ESRP1: variants seen among roughly 807,000 people sequenced by gnomAD.
ESRP1 encodes the protein RNA-binding motif protein 35A.
In ESRP1, 33 loss-of-function variants were observed where a neutral mutation model predicts 81.7. That is an observed-to-expected ratio of 0.40 (90% CI 0.31 to 0.54). ESRP1 has a LOEUF of 0.54. ESRP1 is among the 20% of genes least tolerant of loss of function. ESRP1 has a pLI of 0.41. For missense variants in ESRP1, 672 were observed against 833.1 expected, an observed-to-expected ratio of 0.81 and a Z score of 2.38; for synonymous variants, 320 against 303.3, an observed-to-expected ratio of 1.06 and a Z score of -0.57.
Position 94,654,494 on chromosome 8 carries a change from C to T in ESRP1, c.491-7778C>T, listed in dbSNP as rs145009443. Among the ~76,000 whole-genome samples the T allele has an allele frequency of 2.5e-3, 387 of 152,064 alleles. 1 individual carries two copies. The highest frequency in any genetic ancestry group is 8.7e-3 in the African/African-American group (360 of 41,464). On this transcript the variant is annotated intron_variant, in intron 4 of 15. Coordinates refer to ENST00000433389, the MANE Select transcript of ESRP1 (RefSeq NM_017697.4). ...TTTCATCTCCTTTGTTGAATGAGAC[C>T]CTATCTCCATCTTCTTTCTTCTAGG...
rs1809454372 is a variant in ESRP1 at position 94,692,752 on chromosome 8, C to T, written c.1896C>T (p.Gly632=). ...ANLSGVPPQP[G]TVVRMQGLAY... Reference sequence around the variant, plus strand: ...TTAGCGGTGTCCCTCCACAGCCTGGCACGGTGGTCAGAATGCAGGGCCTGG... The same window carrying T: ...TTAGCGGTGTCCCTCCACAGCCTGGTACGGTGGTCAGAATGCAGGGCCTGG... The change falls in exon 14 of 16, where the codon GGC becomes GGT. Residue 632 remains glycine (G), a synonymous_variant. Transcript: ENST00000433389. 1 of 1,613,868 alleles carries T rather than the reference C, an allele frequency of 6.2e-7. No individual in the cohort carries two copies. Among genetic ancestry groups the T allele is most frequent in the African/African-American group, 1.3e-5 (1 of 74,914 alleles).
At chr8:94,646,112 G>C in intron 3 of ESRP1, 56 bp from the exon 4 acceptor site, 1 of 954,444 alleles carries the variant, frequency 1.0e-6, no homozygotes, top group Non-Finnish European at 1.6e-6. Context: ...CTAATTGTGA[G>C]AGAAACATTG....
At chr8:94,692,917 A>C (rs536214457) in intron 14 of ESRP1, 90 bp downstream of exon 14, 1 of 1,389,628 alleles carries the variant, frequency 7.2e-7, no homozygotes, top group Admixed American at 2.1e-5. Flanking sequence ...AACAGATTCT[A>C]TGAAACTCGT....
intron 3 of ESRP1, among the ~76,000 whole-genome samples, chr8:94,644,953 G>A (rs56039432): frequency 0.021 from 3,194 of 152,226 alleles, 91 homozygotes; most frequent in African/African-American, 0.071. Context: ...TTCATACGGC[G>A]TAAGCCTTTT....
intron 4 of ESRP1, among the ~76,000 whole-genome samples, chr8:94,660,342 C>A (rs1459650062): frequency 6.6e-6 from 1 of 152,204 alleles, no homozygotes; most frequent in Non-Finnish European, 1.5e-5. Context: ...TGACTCATGG[C>A]TGTAATCCCA....
At chr8:94,655,500 T>C (rs781724109) in intron 4 of ESRP1, among the ~76,000 whole-genome samples, 4 of 152,136 alleles carry the variant, frequency 2.6e-5, no homozygotes, top group Non-Finnish European at 5.9e-5. Flanking sequence ...GTTTTGGTTG[T>C]CTTGACTTCT....
Position 94,641,204 on chromosome 8 carries a change from G to A in ESRP1, c.-115G>A. On this transcript the variant is annotated 5_prime_UTR_variant, in exon 1 of 16. In the 5' UTR this introduces an upstream ATG that the reference lacks. Coordinates refer to ENST00000433389, the MANE Select transcript of ESRP1 (RefSeq NM_017697.4). ...GCACTAGCAGTAGCAAGGAAGGGGGGTGGGCGCTCTTTCTTTTTCTCTTAG... is the reference window on the plus strand; with the variant it reads ...GCACTAGCAGTAGCAAGGAAGGGGGATGGGCGCTCTTTCTTTTTCTCTTAG... 3 of 1,031,344 alleles carry A rather than the reference G, an allele frequency of 2.9e-6. No individual in the cohort carries two copies. The highest frequency in any genetic ancestry group is 2.6e-5 in the East Asian group (1 of 38,128). 63.9% of individuals were successfully genotyped at this position (1,031,344 alleles called of 1,614,324 possible).
chr8:94,701,884 G>A (rs1347840024), intron 15 of ESRP1, among the ~76,000 whole-genome samples: 1 of 152,182 alleles, frequency 6.6e-6, no homozygotes, highest in Non-Finnish European at 1.5e-5. Context: ...TTCAAGAATA[G>A]CCTGGGCAAT....
intron 4 of ESRP1, among the ~76,000 whole-genome samples, chr8:94,661,825 C>A (rs1818762211): frequency 2.0e-5 from 3 of 152,146 alleles, no homozygotes; most frequent in Non-Finnish European, 4.4e-5. Flanking sequence ...CATCAATAAT[C>A]TGTGGTGTCC....
At chr8:94,678,166 C>G (rs1189686614) in intron 12 of ESRP1, 37 bp from the exon 13 acceptor site, 1 of 1,607,636 alleles carries the variant, frequency 6.2e-7, no homozygotes, top group Admixed American at 1.7e-5. Flanking sequence ...TCAGCTGTTA[C>G]AAATATGTCT....
intron 12 of ESRP1, among the ~76,000 whole-genome samples, chr8:94,676,890 C>T (rs541575648): frequency 4.6e-5 from 7 of 151,884 alleles, no homozygotes; most frequent in South Asian, 2.1e-4. Flanking sequence ...CGGTGGCTTA[C>T]GCCTGTAATC....
chr8:94,693,479 T>A (rs762214280), intron 14 of ESRP1, among the ~76,000 whole-genome samples: 1 of 152,254 alleles, frequency 6.6e-6, no homozygotes, highest in Non-Finnish European at 1.5e-5. Context: ...TCTTTAACAG[T>A]GAACATTGCC....
chr8:94,669,542 A>T (rs1819198718), intron 10 of ESRP1, among the ~76,000 whole-genome samples: 1 of 152,060 alleles, frequency 6.6e-6, no homozygotes, highest in Non-Finnish European at 1.5e-5. Flanking sequence ...GTGCTCTTGA[A>T]CCCTAAACTA....
At chr8:94,692,040 T>TATAC (rs1323092309) in intron 13 of ESRP1, among the ~76,000 whole-genome samples, 5 of 152,196 alleles carry the variant, frequency 3.3e-5, no homozygotes, top group Non-Finnish European at 5.9e-5. Context: ...TGGTTGCAGA[T>TATAC]ATACCGGAAG....
intron 11 of ESRP1, among the ~76,000 whole-genome samples, chr8:94,673,173 G>A (rs534679784): frequency 2.0e-5 from 3 of 152,162 alleles, no homozygotes; most frequent in Admixed American, 6.5e-5. Context: ...ACTGGTAGCA[G>A]TTCTTTTGAA....
rs150291822 is a variant in ESRP1 at position 94,672,948 on chromosome 8, A to C, written c.1452+1277A>C. Among the ~76,000 whole-genome samples, 650 of 152,230 alleles carry C rather than the reference A, an allele frequency of 4.3e-3. 7 individuals carry two copies. Among genetic ancestry groups the C allele is most frequent in the African/African-American group, 0.015 (628 of 41,508 alleles). ...TGAATTTTTTTCCCCTAAATTGCTA[A>C]TTTCTCACCTTTTCACTTGGAGATT... On this transcript the variant is annotated intron_variant, in intron 11 of 15. Coordinates refer to ENST00000433389, the MANE Select transcript of ESRP1 (RefSeq NM_017697.4).
chr8:94,670,356 GT>G (rs1399122013), intron 10 of ESRP1, among the ~76,000 whole-genome samples: 2 of 152,072 alleles, frequency 1.3e-5, no homozygotes, highest in East Asian at 3.9e-4. Flanking sequence ...TTCTTCTAAT[GT>G]TTTTGCTGTG....
Position 94,646,152 on chromosome 8 carries a change from C to A in ESRP1, c.376-16C>A. ...AAATTCACCTAGTTAACATTATCTA[C>A]CTTGTCCTTCCTCAGAATGTACTAT... On this transcript the variant is annotated splice_polypyrimidine_tract_variant and intron_variant, in intron 3 of 15. Transcript: ENST00000433389. 6.8e-7 allele frequency: 1 copy of A among 1,478,234 alleles called. No individual in the cohort carries two copies. The highest frequency in any genetic ancestry group is 9.4e-7 in the Non-Finnish European group (1 of 1,063,482). 91.6% of individuals were successfully genotyped at this position (1,478,234 alleles called of 1,614,324 possible).
At chr8:94,705,865 G>A in intron 15 of ESRP1, 60 bp from the exon 16 acceptor site, 1 of 1,395,032 alleles carries the variant, frequency 7.2e-7, no homozygotes, top group Non-Finnish European at 9.6e-7. Flanking sequence ...TGGCTGCTGA[G>A]AATGACATTT....
Sources: allele counts gnomAD v4.1 joint callset (sites outside exome capture counted in the v4.1 genomes callset), GRCh38; gene constraint gnomAD v4.1.1; transcripts MANE v1.5; gene names NCBI Gene and HGNC (gene_info 2026-07-23, HGNC 2026-07-21).